Variants in THSD4 observed in about 807,000 individuals in gnomAD.
THSD4 encodes thrombospondin type 1 domain containing 4, also known as thrombospondin type-1 domain-containing protein 4.
Under a neutral mutation model 119.0 loss-of-function variants are expected in THSD4, and 69 were observed. The observed-to-expected ratio is 0.58, with a 90% CI of 0.48 to 0.71. The LOEUF is 0.71. THSD4 is among the 30% of genes least tolerant of loss of function. The probability of loss-of-function intolerance (pLI) is 0.00; values close to 1 mark genes in which losing one functional copy is unlikely to be tolerated. For missense variants in THSD4, 1,393 were observed against 1,391.1 expected (o/e 1.00, Z -0.02); for synonymous variants, 524 against 540.4 (o/e 0.97, Z 0.42).
At chr15:71,211,353 T>C (rs1034270047) in intron 3 of THSD4, among the ~76,000 whole-genome samples, 17 of 152,144 alleles carry the variant, frequency 1.1e-4, no homozygotes, top group African/African-American at 4.1e-4. Flanking sequence ...GATCAAGGTG[T>C]TGAGCGATTT....
chr15:71,592,238 C>G (rs945595473), intron 7 of THSD4, among the ~76,000 whole-genome samples: 3 of 152,180 alleles, frequency 2.0e-5, no homozygotes, highest in South Asian at 2.1e-4. Context: ...GCAGGGAAAC[C>G]ATTTGAGGTT....
chr15:71,610,868 G>A (rs953014708), intron 7 of THSD4, among the ~76,000 whole-genome samples: 1 of 152,170 alleles, frequency 6.6e-6, no homozygotes, highest in African/African-American at 2.4e-5. Context: ...GGAGTCTAGA[G>A]AGGTGCCCCT....
intron 7 of THSD4, among the ~76,000 whole-genome samples, chr15:71,463,064 T>C (rs2047448870): frequency 6.6e-6 from 1 of 152,226 alleles, no homozygotes; most frequent in South Asian, 2.1e-4. Context: ...GGAATTGTTG[T>C]CAGTTGAGGA....
chr15:71,693,358 C>A (rs1447768961), intron 8 of THSD4, among the ~76,000 whole-genome samples: 1 of 152,120 alleles, frequency 6.6e-6, no homozygotes, highest in Non-Finnish European at 1.5e-5. Context: ...GATAAAGAAA[C>A]AAAGCCAACT....
At chr15:71,709,427 G>A (rs904307455) in intron 8 of THSD4, among the ~76,000 whole-genome samples, 3 of 152,142 alleles carry the variant, frequency 2.0e-5, no homozygotes, top group Non-Finnish European at 4.4e-5. Context: ...CAATTGAAGT[G>A]GACTGTGGAG....
chr15:71,677,140 A>G (rs11637487), intron 8 of THSD4, among the ~76,000 whole-genome samples: 25,463 of 152,140 alleles, frequency 0.17, 2,430 homozygotes, highest in East Asian at 0.39. Context: ...CATGTGATAT[A>G]ATAGGCACCA....
rs545284392 is a variant in THSD4, at chr15:71,406,596, C to T, written c.1016-5091C>T. On this transcript the variant is annotated intron_variant, in intron 6 of 17. Transcript: ENST00000261862. ...GTGGGATATCAAAGTTTGAAACTAC[C>T]GTTGTATTATTGTCTATTTCTTCTT... is the stretch of plus-strand genomic sequence containing the variant. 8.0e-5 allele frequency among the ~76,000 whole-genome samples: 12 copies of T among 150,672 alleles called. No individual in the cohort carries two copies. In the South Asian group the frequency reaches 1.3e-3, roughly 16 times the overall value.
At chr15:71,384,862 A>G (rs1487867691) in intron 6 of THSD4, among the ~76,000 whole-genome samples, 1 of 152,236 alleles carries the variant, frequency 6.6e-6, no homozygotes, top group East Asian at 1.9e-4. Context: ...CAATTCTTCC[A>G]AAGTTAAGGA....
At chr15:71,639,836 C>CA (rs56797617) in intron 7 of THSD4, among the ~76,000 whole-genome samples, 285 of 140,606 alleles carry the variant, frequency 2.0e-3, no homozygotes, top group South Asian at 0.014. Context: ...TTTTATTTAG[C>CA]AAAAAAAAAA....
intron 3 of THSD4, among the ~76,000 whole-genome samples, chr15:71,169,051 A>G (rs1173121361): frequency 2.0e-5 from 3 of 152,330 alleles, no homozygotes; most frequent in Admixed American, 2.0e-4. Flanking sequence ...ACAACAATAT[A>G]TTTGGTAAAA....
intron 2 of THSD4, among the ~76,000 whole-genome samples, chr15:71,151,586 C>T (rs2040722912): frequency 1.3e-5 from 2 of 152,150 alleles, no homozygotes; most frequent in South Asian, 4.1e-4. Flanking sequence ...TGCCCAAGGT[C>T]ATGCAACCAT....
Position 71,138,615 on chromosome 15 carries a change from C to T in THSD4, c.-79-2834C>T, listed in dbSNP as rs570744984. 1.6e-4 allele frequency among the ~76,000 whole-genome samples: 24 copies of T among 152,148 alleles called. No homozygotes were observed. In the South Asian group the frequency reaches 4.8e-3, roughly 30 times the overall value. On this transcript the variant is annotated intron_variant, in intron 1 of 17. Coordinates refer to ENST00000261862, the MANE Select transcript of THSD4 (RefSeq NM_024817.3). The stretch of plus-strand genomic sequence containing the variant: ...ACATTGCTTCCTTTTTCCTCCCACT[C>T]CTCACAAGAGCCTCCCTCTCCCTGG...
chr15:71,384,415 G>A (rs768535803), intron 6 of THSD4, among the ~76,000 whole-genome samples: 24 of 151,992 alleles, frequency 1.6e-4, no homozygotes, highest in Non-Finnish European at 2.8e-4. Context: ...ACTATTTTGT[G>A]TGCCTGGATT....
intron 8 of THSD4, among the ~76,000 whole-genome samples, chr15:71,702,567 ATGCTAT>A (rs1207169052): frequency 1.3e-5 from 2 of 152,174 alleles, no homozygotes; most frequent in Non-Finnish European, 2.9e-5. Flanking sequence ...TTACTTGAGA[ATGCTAT>A]TGCCACCCTG....
At chr15:71,260,471 A>G (rs1334406961) in intron 6 of THSD4, among the ~76,000 whole-genome samples, 2 of 152,140 alleles carry the variant, frequency 1.3e-5, no homozygotes, top group Non-Finnish European at 2.9e-5. Context: ...TTGAATTCAC[A>G]TTACAGAGCA....
intron 4 of THSD4, among the ~76,000 whole-genome samples, chr15:71,234,368 C>T (rs2015942): frequency 4.6e-5 from 7 of 152,238 alleles, no homozygotes; most frequent in Admixed American, 1.3e-4. Context: ...TGCAATGGCA[C>T]GATCTTGGCT....
chr15:71,707,697 G>A (rs1049347088), intron 8 of THSD4, among the ~76,000 whole-genome samples: 1 of 152,136 alleles, frequency 6.6e-6, no homozygotes, highest in Non-Finnish European at 1.5e-5. Context: ...CACTGGCCTG[G>A]GGTTGAATAG....
chr15:71,322,706 CAGG>C, intron 6 of THSD4, among the ~76,000 whole-genome samples: 1 of 152,234 alleles, frequency 6.6e-6, no homozygotes, highest in East Asian at 1.9e-4. Flanking sequence ...TGGCTGTGGG[CAGG>C]AGGCCTTAGT....
intron 6 of THSD4, among the ~76,000 whole-genome samples, chr15:71,338,361 A>G (rs972677067): frequency 6.6e-6 from 1 of 150,616 alleles, no homozygotes; most frequent in African/African-American, 2.4e-5. Context: ...TAGCATGATA[A>G]ACACTCTTTG....
Sources: allele counts gnomAD v4.1 joint callset (sites outside exome capture counted in the v4.1 genomes callset), GRCh38; gene constraint gnomAD v4.1.1; transcripts MANE v1.5; gene names NCBI Gene and HGNC (gene_info 2026-07-23, HGNC 2026-07-21).